The following XKR4 variants were observed in gnomAD, a reference collection of about 807,000 sequenced individuals.
The protein encoded by XKR4 is XK related 4.
A neutral mutation model predicts 53.9 loss-of-function variants in XKR4; 12 were observed. That is an observed-to-expected ratio of 0.22 (90% CI 0.14 to 0.36). XKR4 has a LOEUF of 0.36. Among genes scored for constraint, XKR4 ranks in the 10% least tolerant of loss-of-function variants. XKR4 has a pLI of 1.00. For synonymous variants in XKR4, 354 were observed against 362.4 expected (o/e 0.98, Z 0.26); for missense variants, 799 against 859.5 (o/e 0.93, Z 0.88).
At chr8:55,264,825 T>A (rs1818575528) in intron 1 of XKR4, among the ~76,000 whole-genome samples, 1 of 152,224 alleles carries the variant, frequency 6.6e-6, no homozygotes, top group Admixed American at 6.5e-5. Flanking sequence ...ATAGACAGAA[T>A]GTATATTCCT....
intron 1 of XKR4, among the ~76,000 whole-genome samples, chr8:55,262,732 T>C (rs1818544715): frequency 6.6e-6 from 1 of 152,198 alleles, no homozygotes; most frequent in Non-Finnish European, 1.5e-5. Context: ...TGTGGTGCTT[T>C]ATTATTGCAG....
At chr8:55,492,661 A>G (rs1376964895) in intron 2 of XKR4, among the ~76,000 whole-genome samples, 2 of 152,180 alleles carry the variant, frequency 1.3e-5, no homozygotes, top group African/African-American at 4.8e-5. Context: ...TCTTCTGTCT[A>G]CTCACAGCAG....
chr8:55,279,544 G>A (rs188346667), intron 1 of XKR4, among the ~76,000 whole-genome samples: 2 of 152,304 alleles, frequency 1.3e-5, no homozygotes, highest in East Asian at 3.9e-4. Flanking sequence ...GTGGAAAAGG[G>A]TAGCAAATTA....
intron 1 of XKR4, among the ~76,000 whole-genome samples, chr8:55,353,495 A>G (rs1803755375): frequency 6.6e-6 from 1 of 152,238 alleles, no homozygotes; most frequent in Non-Finnish European, 1.5e-5. Context: ...TACAGACTTC[A>G]GGAGGAATGA....
At chr8:55,282,423 TG>T (rs1399748302) in intron 1 of XKR4, among the ~76,000 whole-genome samples, 1 of 152,196 alleles carries the variant, frequency 6.6e-6, no homozygotes, top group African/African-American at 2.4e-5. Context: ...ATAAGAAGCA[TG>T]GGTGCCAGCA....
At chr8:55,442,056 T>G (rs1258479126) in intron 2 of XKR4, among the ~76,000 whole-genome samples, 3 of 151,886 alleles carry the variant, frequency 2.0e-5, no homozygotes, top group Non-Finnish European at 4.4e-5. Flanking sequence ...TAACAAAAAT[T>G]TTTTTCTTTG....
intron 1 of XKR4, among the ~76,000 whole-genome samples, chr8:55,156,216 G>T (rs1204086083): frequency 6.6e-6 from 1 of 151,846 alleles, no homozygotes; most frequent in African/African-American, 2.4e-5. Context: ...TTTGGTGGGG[G>T]GCGGGGAGGA....
chr8:55,298,320 G>A (rs187035314), intron 1 of XKR4, among the ~76,000 whole-genome samples: 27 of 152,212 alleles, frequency 1.8e-4, no homozygotes, highest in Admixed American at 5.2e-4. Flanking sequence ...TGAATACATT[G>A]CCTGTGTTAG....
intron 2 of XKR4, among the ~76,000 whole-genome samples, chr8:55,424,700 C>T (rs768352861): frequency 3.3e-5 from 5 of 152,198 alleles, no homozygotes; most frequent in Admixed American, 6.5e-5. Context: ...GAAGCTTTGA[C>T]TCTTCTATTC....
At chr8:55,507,897 A>G (rs1669638585) in intron 2 of XKR4, among the ~76,000 whole-genome samples, 1 of 152,132 alleles carries the variant, frequency 6.6e-6, no homozygotes, top group Non-Finnish European at 1.5e-5. Context: ...TGGTATTTCT[A>G]GTTCTAGATC....
intron 1 of XKR4, among the ~76,000 whole-genome samples, chr8:55,346,757 A>AAAATATCAC (rs1803651704): frequency 6.6e-6 from 1 of 151,494 alleles, no homozygotes. Context: ...GCAACAGAAG[A>AAAATATCAC]AAATATCACT....
At chr8:55,116,577 A>T (rs993897923) in intron 1 of XKR4, among the ~76,000 whole-genome samples, 60 of 152,344 alleles carry the variant, frequency 3.9e-4, no homozygotes, top group African/African-American at 1.3e-3. Context: ...AATGAGAATG[A>T]TGCCTTATAA....
At chr8:55,135,667 G>C (rs1585897004) in intron 1 of XKR4, 1 of 456,062 alleles carries the variant, frequency 2.2e-6, no homozygotes, top group Middle Eastern at 3.3e-4. Flanking sequence ...AAAAAACAGG[G>C]AGAGTAAAGT....
chr8:55,476,822 C>T (rs944388869), intron 2 of XKR4, among the ~76,000 whole-genome samples: 15 of 152,040 alleles, frequency 9.9e-5, no homozygotes, highest in Non-Finnish European at 1.6e-4. Flanking sequence ...GATCAAACTG[C>T]AAGATGGTAG....
chr8:55,302,643 C>A (rs529355876), intron 1 of XKR4, among the ~76,000 whole-genome samples: 1 of 152,144 alleles, frequency 6.6e-6, no homozygotes, highest in African/African-American at 2.4e-5. Context: ...GAATGTTCTT[C>A]CATTTGTTTG....
At chr8:55,313,993 AATG>A (rs1188080267) in intron 1 of XKR4, among the ~76,000 whole-genome samples, 3 of 152,342 alleles carry the variant, frequency 2.0e-5, no homozygotes, top group African/African-American at 7.2e-5. Context: ...TACCAATAAT[AATG>A]ATAACTTATG....
rs113931817 is a variant in XKR4, at chr8:55,466,902, A to T, written c.1007-56379A>T. ...CAAGATTGGGCTAAGTTATTTGATT[A>T]AAAAATTTATTAGTTTTTGATTTTG... On this transcript the variant is annotated intron_variant, in intron 2 of 2. Transcript: ENST00000327381. Among the ~76,000 whole-genome samples, 755 of 152,336 alleles carry T rather than the reference A, an allele frequency of 5.0e-3. 10 individuals carry two copies. Among genetic ancestry groups the T allele is most frequent in the Middle Eastern group, 0.027 (8 of 292 alleles).
Position 55,103,106 on chromosome 8 carries a change from G to C in XKR4, c.618G>C (p.Glu206Asp), listed in dbSNP as rs1299064432. Residue 206 changes from glutamate (E) to aspartate (D), a missense_variant, in exon 1 of 3, where the codon GAG becomes GAC. By Grantham distance (45) the Glu-to-Asp change is conservative. Around this residue, in one of 3 missense-constraint regions of XKR4, gnomAD observed 476 missense variants for 505.4 expected, o/e 0.94. Coordinates refer to ENST00000327381, the MANE Select transcript of XKR4 (RefSeq NM_052898.2). Reference sequence around the variant, plus strand: ...GTGGGTCTGCAGCCGGGGAAGGCGAGGCTCGTCCTTCCACGCCGCAAAGGC... The same window carrying C: ...GTGGGTCTGCAGCCGGGGAAGGCGACGCTCGTCCTTCCACGCCGCAAAGGC... ...VGGGSAAGEG[E>D]ARPSTPQRQA... 6.2e-7 allele frequency: 1 copy of C among 1,613,386 alleles called. No individual in the cohort carries two copies. Among genetic ancestry groups the C allele is most frequent in the Non-Finnish European group, 8.5e-7 (1 of 1,179,958 alleles).
At chr8:55,515,761 G>A (rs1307059153) in intron 2 of XKR4, among the ~76,000 whole-genome samples, 1 of 152,206 alleles carries the variant, frequency 6.6e-6, no homozygotes, top group Non-Finnish European at 1.5e-5. Flanking sequence ...CAATATGGTT[G>A]CTACAGTCCT....
Sources: allele counts gnomAD v4.1 joint callset (sites outside exome capture counted in the v4.1 genomes callset), GRCh38; gene constraint gnomAD v4.1.1; regional missense constraint gnomAD v4.1.1; transcripts MANE v1.5; gene names NCBI Gene and HGNC (gene_info 2026-07-23, HGNC 2026-07-21).